TNS3: variants seen among roughly 807,000 people sequenced by gnomAD.
The protein encoded by TNS3 is tensin-3.
A neutral mutation model predicts 140.9 loss-of-function variants in TNS3; 45 were observed. That is an observed-to-expected ratio of 0.32 (90% CI 0.25 to 0.41). TNS3 has a LOEUF of 0.41. Among genes scored for constraint, TNS3 ranks in the 10% least tolerant of loss-of-function variants. The pLI is 1.00. For synonymous variants in TNS3, 815 were observed against 788.4 expected (o/e 1.03, Z -0.56); for missense variants, 1,716 against 1,906.7 (o/e 0.90, Z 1.86).
At chr7:47,511,555 G>A (rs1262786214) in intron 2 of TNS3, among the ~76,000 whole-genome samples, 2 of 150,992 alleles carry the variant, frequency 1.3e-5, no homozygotes, top group Non-Finnish European at 3.0e-5. Flanking sequence ...ACACTGACAA[G>A]AGCCCTTTAG....
intron 2 of TNS3, among the ~76,000 whole-genome samples, chr7:47,526,660 C>T (rs1211257083): frequency 6.6e-6 from 1 of 152,210 alleles, no homozygotes; most frequent in Non-Finnish European, 1.5e-5. Flanking sequence ...GGGGAACCTT[C>T]GGCTGTGCAA....
intron 17 of TNS3, among the ~76,000 whole-genome samples, chr7:47,348,235 G>A (rs368391035): frequency 2.6e-5 from 4 of 152,230 alleles, no homozygotes; most frequent in African/African-American, 9.6e-5. Context: ...GATAGCCCTG[G>A]GTGTTAGTGA....
At chr7:47,415,448 A>G (rs1794028896) in intron 10 of TNS3, among the ~76,000 whole-genome samples, 2 of 152,154 alleles carry the variant, frequency 1.3e-5, no homozygotes, top group Admixed American at 6.5e-5. Flanking sequence ...TGAGCATCCC[A>G]CACCTGAAAG....
chr7:47,478,792 A>G (rs939815350), intron 4 of TNS3, among the ~76,000 whole-genome samples: 3 of 152,160 alleles, frequency 2.0e-5, no homozygotes, highest in South Asian at 2.1e-4. Flanking sequence ...TTGTGTGCGT[A>G]TAACAATTAC....
At chr7:47,280,575 A>G (rs570256833) in intron 28 of TNS3, among the ~76,000 whole-genome samples, 2 of 152,376 alleles carry the variant, frequency 1.3e-5, no homozygotes, top group South Asian at 4.1e-4. Context: ...GAAGCACCAC[A>G]CAGGCTGAAA....
chr7:47,284,257 T>A (rs1198137333), intron 27 of TNS3, among the ~76,000 whole-genome samples: 1 of 152,166 alleles, frequency 6.6e-6, no homozygotes, highest in Non-Finnish European at 1.5e-5. Flanking sequence ...CACATTAATA[T>A]GAAACCCAAC....
intron 16 of TNS3, among the ~76,000 whole-genome samples, chr7:47,391,073 C>T (rs1264977793): frequency 6.6e-6 from 1 of 152,194 alleles, no homozygotes; most frequent in Non-Finnish European, 1.5e-5. Context: ...CTCTTACTTC[C>T]TCCTGCACAC....
intron 3 of TNS3, among the ~76,000 whole-genome samples, chr7:47,494,916 G>T (rs1041283068): frequency 1.4e-4 from 22 of 152,130 alleles, no homozygotes; most frequent in Admixed American, 3.9e-4. Context: ...GTGGGGATTT[G>T]AATGCTTCGT....
At chr7:47,331,582 G>A (rs757699425) in intron 20 of TNS3, among the ~76,000 whole-genome samples, 1 of 152,162 alleles carries the variant, frequency 6.6e-6, no homozygotes, top group African/African-American at 2.4e-5. Flanking sequence ...GACGCCCATC[G>A]CACACTTGGT....
chr7:47,377,709 C>T (rs930214390), intron 16 of TNS3, among the ~76,000 whole-genome samples: 3 of 151,040 alleles, frequency 2.0e-5, no homozygotes, highest in East Asian at 3.9e-4. Flanking sequence ...CCTCTTTTTC[C>T]CCCTCCTCCC....
At chr7:47,513,839 A>G (rs1798690319) in intron 2 of TNS3, among the ~76,000 whole-genome samples, 1 of 152,226 alleles carries the variant, frequency 6.6e-6, no homozygotes, top group South Asian at 2.1e-4. Flanking sequence ...CACAGCTGAC[A>G]GTCTGCAAAC....
rs148725260 is a variant in TNS3 at position 47,453,386 on chromosome 7, C to T, written c.-75-11331G>A. ...AAAAGTTCCCCCAGGAAAAACAAAA[C>T]CTACTTCGAGCTGCTGGGAGGGCAG... On this transcript the variant is annotated intron_variant, in intron 4 of 30. Transcript: ENST00000311160. Among the ~76,000 whole-genome samples, 820 of 152,286 alleles carry T rather than the reference C, an allele frequency of 5.4e-3. 5 individuals carry two copies. The highest frequency in any genetic ancestry group is 8.9e-3 in the Non-Finnish European group (604 of 68,020).
chr7:47,453,249 C>T, intron 4 of TNS3: 1 of 985,592 alleles, frequency 1.0e-6, no homozygotes. Flanking sequence ...GCCAGCCTGC[C>T]AAGGGCCTGA....
At chr7:47,496,042 C>T (rs971498034) in intron 3 of TNS3, among the ~76,000 whole-genome samples, 10 of 152,054 alleles carry the variant, frequency 6.6e-5, no homozygotes, top group Non-Finnish European at 1.3e-4. Context: ...GGAGAGGCCC[C>T]GATGCCACCC....
At chr7:47,330,964 G>A (rs1222103899) in intron 20 of TNS3, among the ~76,000 whole-genome samples, 1 of 152,156 alleles carries the variant, frequency 6.6e-6, no homozygotes, top group African/African-American at 2.4e-5. Context: ...CACCGGACTC[G>A]GGCGAACCTT....
chr7:47,479,734 A>G (rs1371461114), intron 4 of TNS3, among the ~76,000 whole-genome samples: 2 of 152,248 alleles, frequency 1.3e-5, no homozygotes, highest in Admixed American at 1.3e-4. Flanking sequence ...AGACCACACC[A>G]CATGCCAGCA....
chr7:47,413,902 C>T (rs764274974), intron 12 of TNS3, 35 bp downstream of exon 12: 2 of 1,612,764 alleles, frequency 1.2e-6, no homozygotes. Context: ...CCGTCCAGGT[C>T]CCACAACAGC....
chr7:47,292,875 G>A lies in TNS3; in HGVS notation c.3803C>T (p.Ser1268Phe), dbSNP rs755059989. The change falls in exon 26 of 31, where the codon TCC becomes TTC. Residue 1268 changes from serine (S) to phenylalanine (F), a missense_variant. Transcript: ENST00000311160. Reference protein sequence around the residue: ...GSLTALVCQHSITPLALPCKL... With the variant: ...GSLTALVCQHFITPLALPCKL... ...GCACGGCAAGGCCAAGGGCGTGATG[G>A]AATGCTGGCACACCAAGGCCGTCAG... The A allele has an allele frequency of 3.1e-6, 5 of 1,614,042 alleles. No individual in the cohort carries two copies. The African/African-American group carries it at 6.7e-5, about 22-fold the overall frequency.
intron 4 of TNS3, among the ~76,000 whole-genome samples, chr7:47,454,294 G>A (rs1321373243): frequency 6.6e-6 from 1 of 152,194 alleles, no homozygotes; most frequent in Non-Finnish European, 1.5e-5. Flanking sequence ...CATTTGGCAG[G>A]GGCAGACACA....
Sources: allele counts gnomAD v4.1 joint callset (sites outside exome capture counted in the v4.1 genomes callset), GRCh38; gene constraint gnomAD v4.1.1; transcripts MANE v1.5; gene names NCBI Gene and HGNC (gene_info 2026-07-23, HGNC 2026-07-21).